The following SHTN1 variants were observed in gnomAD, a reference collection of about 807,000 sequenced individuals.
SHTN1 encodes shootin-1.
Under a neutral mutation model 83.1 loss-of-function variants are expected in SHTN1, and 42 were observed. That is an observed-to-expected ratio of 0.51 (90% CI 0.39 to 0.65). The LOEUF is 0.65. Ranked by LOEUF, SHTN1 falls within the 30% of genes least tolerant of loss-of-function variation. The pLI is 0.00. For missense variants in SHTN1, 622 were observed against 737.8 expected, an observed-to-expected ratio of 0.84 and a Z score of 1.82; for synonymous variants, 224 against 247.7, an observed-to-expected ratio of 0.90 and a Z score of 0.90.
At chr10:117,095,780 C>A (rs968559170) in intron 1 of SHTN1, among the ~76,000 whole-genome samples, 7 of 151,984 alleles carry the variant, frequency 4.6e-5, no homozygotes, top group African/African-American at 1.7e-4. Flanking sequence ...TTTTTCAGGT[C>A]TCTTTTTCTT....
At chr10:116,979,796 A>T (rs543577256) in intron 1 of SHTN1, among the ~76,000 whole-genome samples, 1 of 152,362 alleles carries the variant, frequency 6.6e-6, no homozygotes, top group South Asian at 2.1e-4. Context: ...AGTCTGTGGT[A>T]TTGTAATCAG....
chr10:117,069,881 G>T (rs1564948936), intron 1 of SHTN1, among the ~76,000 whole-genome samples: 1 of 152,184 alleles, frequency 6.6e-6, no homozygotes, highest in East Asian at 1.9e-4. Flanking sequence ...AATATTTAAA[G>T]CCCTGTTATA....
chr10:116,975,302 T>C (rs568227864), intron 2 of SHTN1, among the ~76,000 whole-genome samples: 2 of 152,306 alleles, frequency 1.3e-5, no homozygotes, highest in South Asian at 4.1e-4. Flanking sequence ...AAATTCTGCT[T>C]GTGAGAGAGT....
chr10:117,005,993 A>G (rs1039737421), upstream of SHTN1, among the ~76,000 whole-genome samples: 2 of 152,152 alleles, frequency 1.3e-5, no homozygotes, highest in Non-Finnish European at 2.9e-5. Flanking sequence ...TGCCCTCTGA[A>G]CTATTTGAAC....
rs759370475 is a variant in SHTN1, at chr10:116,960,207, C to T, written c.196G>A (p.Val66Ile). 4 of 1,607,366 alleles carry T rather than the reference C, an allele frequency of 2.5e-6. No individual in the cohort carries two copies. The highest frequency in any genetic ancestry group is 1.7e-5 in the Admixed American group (1 of 60,008). Residue 66 changes from valine to isoleucine, a missense_variant, in exon 4 of 17, where the codon GTT becomes ATT. Coordinates refer to ENST00000355371, the MANE Select transcript of SHTN1 (RefSeq NM_001127211.3). ...QKISHMVIEE[V>I]NFMQNHLEIE... ...TCAAGATGGTTCTGCATGAAATTAA[C>T]TTCCTCTATGACCATGTGAGAAACT...
intron 1 of SHTN1, among the ~76,000 whole-genome samples, chr10:117,058,449 T>C (rs1049589063): frequency 6.6e-6 from 1 of 151,930 alleles, no homozygotes; most frequent in South Asian, 2.1e-4. Flanking sequence ...AATCATTAAG[T>C]AAACACAAAT....
At chr10:116,965,188 C>A (rs142671772) in intron 3 of SHTN1, among the ~76,000 whole-genome samples, 4 of 152,024 alleles carry the variant, frequency 2.6e-5, no homozygotes, top group African/African-American at 7.2e-5. Context: ...AGCCCTATGG[C>A]CAAACAAAGC....
intron 1 of SHTN1, among the ~76,000 whole-genome samples, chr10:117,084,673 G>T (rs1210596374): frequency 1.3e-5 from 2 of 151,990 alleles, no homozygotes; most frequent in African/African-American, 4.8e-5. Context: ...AGACTGCTGT[G>T]CTAGCAATCA....
chr10:116,901,725 T>C, intron 16 of SHTN1, 40 bp downstream of exon 16: 1 of 1,480,262 alleles, frequency 6.8e-7, no homozygotes, highest in South Asian at 1.4e-5. Flanking sequence ...TCATTACAGA[T>C]TCTTCTATAC....
intron 15 of SHTN1, among the ~76,000 whole-genome samples, chr10:116,905,208 CAAAAAAAA>C (rs772309175): frequency 3.2e-5 from 2 of 63,422 alleles, no homozygotes; most frequent in African/African-American, 9.7e-5. Context: ...GACTCCGTCT[CAAAAAAAA>C]AAAAAAAAAA....
At chr10:116,992,484 C>G (rs565233593) in intron 1 of SHTN1, among the ~76,000 whole-genome samples, 40 of 152,210 alleles carry the variant, frequency 2.6e-4, no homozygotes, top group Non-Finnish European at 5.3e-4. Flanking sequence ...AACATCAGGA[C>G]ATTGAAATCA....
At chr10:116,938,193 G>A (rs1849242012) in intron 9 of SHTN1, among the ~76,000 whole-genome samples, 1 of 151,972 alleles carries the variant, frequency 6.6e-6, no homozygotes, top group Non-Finnish European at 1.5e-5. Flanking sequence ...TCTTTGTCCA[G>A]TTTTGCTCCC....
chr10:116,970,370 C>G (rs1185802712), intron 2 of SHTN1, among the ~76,000 whole-genome samples: 2 of 152,108 alleles, frequency 1.3e-5, no homozygotes, highest in African/African-American at 4.8e-5. Flanking sequence ...ATACACTATA[C>G]TACAGAGCAG....
chr10:117,028,724 G>T (rs1157880995), intron 2 of SHTN1, among the ~76,000 whole-genome samples: 2 of 152,214 alleles, frequency 1.3e-5, no homozygotes, highest in Admixed American at 1.3e-4. Context: ...GTGGTGTTAA[G>T]CCTGCAGGTG....
intron 1 of SHTN1, among the ~76,000 whole-genome samples, chr10:117,120,502 C>G (rs535317069): frequency 4.1e-4 from 62 of 152,224 alleles, no homozygotes; most frequent in Non-Finnish European, 6.0e-4. Flanking sequence ...CCTCCCTTGG[C>G]CTCCCAAAGT....
chr10:116,924,744 C>CTTTTTTTTTTTTT (rs1564879304), intron 11 of SHTN1, among the ~76,000 whole-genome samples: 1 of 133,668 alleles, frequency 7.5e-6, no homozygotes, highest in African/African-American at 2.9e-5. Context: ...GAATTTTCAC[C>CTTTTTTTTTTTTT]TATTTTTTTT....
intron 2 of SHTN1, among the ~76,000 whole-genome samples, chr10:117,022,115 C>T (rs1852270908): frequency 6.6e-6 from 1 of 152,060 alleles, no homozygotes; most frequent in South Asian, 2.1e-4. Flanking sequence ...TCTTGGACTC[C>T]TGACTATATC....
intron 9 of SHTN1, among the ~76,000 whole-genome samples, chr10:116,932,725 G>T (rs1174890435): frequency 1.3e-5 from 2 of 152,172 alleles, no homozygotes; most frequent in African/African-American, 4.8e-5. Context: ...CCTATCATAA[G>T]TCAAGGATCA....
rs901215520 is a variant in SHTN1 at position 117,075,332 on chromosome 10, G to A, written c.-188-26822C>T. ...TCTTGGATCTTACAGTGATCTCAGT[G>A]CAACATAACTTGTGCATTTGAGATG... On this transcript the variant is annotated intron_variant, in intron 1 of 17. Coordinates refer to the SHTN1 transcript ENST00000392901. Among the ~76,000 whole-genome samples, 3 of 152,260 alleles carry A rather than the reference G, an allele frequency of 2.0e-5. No individual in the cohort carries two copies. In the South Asian group the frequency reaches 6.2e-4, roughly 32 times the overall value.
Sources: gnomAD v4.1 joint callset for allele counts (sites outside exome capture counted in the v4.1 genomes callset) on GRCh38, gnomAD v4.1.1 for gene constraint, MANE v1.5 for transcripts, NCBI Gene and HGNC (gene_info 2026-07-23, HGNC 2026-07-21) for gene names.